CEPT1: variants seen among roughly 807,000 people sequenced by gnomAD.
CEPT1 encodes choline/ethanolaminephosphotransferase 1.
A neutral mutation model predicts 42.6 loss-of-function variants in CEPT1; 7 were observed. The observed-to-expected ratio is 0.16, with a 90% confidence interval of 0.09 to 0.31. The LOEUF (loss-of-function observed/expected upper bound fraction) is 0.31. Among genes scored for constraint, CEPT1 ranks in the 10% least tolerant of loss-of-function variants. CEPT1 has a pLI of 1.00. For synonymous variants in CEPT1, 171 were observed against 171.9 expected (o/e 0.99, Z 0.04); for missense variants, 306 against 502.1 (o/e 0.61, Z 3.73).
intron 3 of CEPT1, chr1:111,160,166 T>TA (rs1655793620): frequency 6.6e-6 from 1 of 152,318 alleles, no homozygotes; most frequent in African/African-American, 2.4e-5. Flanking sequence ...ATAACTGAGT[T>TA]ACTCTGTTTG....
At chr1:111,179,240 A>T (rs1656850290) in intron 5 of CEPT1, 1 of 152,184 alleles carries the variant, frequency 6.6e-6, no homozygotes, top group Non-Finnish European at 1.5e-5. Flanking sequence ...TAACCTTTTT[A>T]AAAGTGAATT....
chr1:111,147,922 G>A lies in CEPT1; in HGVS notation c.208G>A (p.Gly70Arg). 6.2e-7 allele frequency: 1 copy of A among 1,614,184 alleles called. No individual in the cohort carries two copies. Among genetic ancestry groups the A allele is most frequent in the South Asian group, 1.1e-5 (1 of 91,082 alleles). Residue 70 changes from glycine (G) to arginine (R), a missense_variant, in exon 2 of 9, where the codon GGG becomes AGG. Gly to Arg is a moderately radical substitution (Grantham distance 125). Coordinates refer to ENST00000357172, the MANE Select transcript of CEPT1 (RefSeq NM_006090.5). ...GTCCCTGCTTGAGCCCTTAATGCAAGGGTATTGGGAATGGCTCGTTAGAAG... is the reference window on the plus strand; with the variant it reads ...GTCCCTGCTTGAGCCCTTAATGCAAAGGTATTGGGAATGGCTCGTTAGAAG... ...GRSLLEPLMQGYWEWLVRRVP... is the reference protein window; with the variant it reads ...GRSLLEPLMQRYWEWLVRRVP...
chr1:111,145,019 A>AT lies in CEPT1; in HGVS notation c.-73-2609dup, dbSNP rs542392286. The stretch of plus-strand genomic sequence containing the variant: ...TTTCTCTCCTTGATTTGAAATATTA[A>AT]TTTTTTTTTTTTTTAAGACAGAGTC... On this transcript the variant is annotated intron_variant, in intron 1 of 8. Coordinates refer to ENST00000357172, the MANE Select transcript of CEPT1 (RefSeq NM_006090.5). Among the ~76,000 whole-genome samples the AT allele has an allele frequency of 6.1e-3, 888 of 146,698 alleles. 3 individuals carry two copies. The highest frequency in any genetic ancestry group is 0.016 in the East Asian group (82 of 5,074).
At chr1:111,161,125 T>C in intron 3 of CEPT1, 30 bp from the exon 4 acceptor site, 1 of 1,613,302 alleles carries the variant, frequency 6.2e-7, no homozygotes, top group South Asian at 1.1e-5. Flanking sequence ...TTCATATTAT[T>C]TGGTTTTCAT....
In CEPT1 at chr1:111,182,170, C is replaced by G; in HGVS notation, c.715-17C>G. The stretch of plus-strand genomic sequence containing the variant: ...TTTGTATATGTTTTAATTGTTTTCT[C>G]TCTCTACCCATTAAAGATTCCAGTG... On this transcript the variant is annotated splice_polypyrimidine_tract_variant and intron_variant, in intron 5 of 8. Transcript: ENST00000357172. 1 of 1,569,498 alleles carries G rather than the reference C, an allele frequency of 6.4e-7. No individual in the cohort carries two copies. The highest frequency in any genetic ancestry group is 8.7e-7 in the Non-Finnish European group (1 of 1,152,566).
At chr1:111,160,729 C>T (rs1655822673) in intron 3 of CEPT1, 1 of 163,636 alleles carries the variant, frequency 6.1e-6, no homozygotes, top group East Asian at 1.9e-4. Context: ...GTATGTCACC[C>T]ATAACAATAT....
rs552473334 is a variant in CEPT1 at position 111,145,259 on chromosome 1, G to A, written c.-73-2383G>A. On this transcript the variant is annotated intron_variant, in intron 1 of 8. Coordinates refer to ENST00000357172, the MANE Select transcript of CEPT1 (RefSeq NM_006090.5). ...TCGAACTCCTGACCTCAGGTGATCC[G>A]CCCGCCTCAGCCTCCCAAAGTGGCG... is the stretch of plus-strand genomic sequence containing the variant. Among the ~76,000 whole-genome samples, 21 of 152,180 alleles carry A rather than the reference G, an allele frequency of 1.4e-4. No homozygotes were observed. In the East Asian group the frequency reaches 2.9e-3, roughly 21 times the overall value.
chr1:111,151,980 C>A (rs943046626), intron 2 of CEPT1, among the ~76,000 whole-genome samples: 13 of 152,136 alleles, frequency 8.5e-5, no homozygotes, highest in African/African-American at 3.1e-4. Flanking sequence ...ACTCCCCAGA[C>A]CCCTTAGATA....
chr1:111,141,839 G>C (rs183515228), intron 1 of CEPT1, among the ~76,000 whole-genome samples: 1 of 150,846 alleles, frequency 6.6e-6, no homozygotes, highest in African/African-American at 2.4e-5. Flanking sequence ...TTCTTTCCTT[G>C]TTCTTTATAA....
intron 1 of CEPT1, among the ~76,000 whole-genome samples, chr1:111,147,035 G>A (rs1655007511): frequency 6.6e-6 from 1 of 152,188 alleles, no homozygotes; most frequent in Non-Finnish European, 1.5e-5. Flanking sequence ...CTTACCAGCT[G>A]TGTGATTTGG....
At chr1:111,165,449 A>G (rs1447234260) in intron 4 of CEPT1, among the ~76,000 whole-genome samples, 3 of 152,164 alleles carry the variant, frequency 2.0e-5, no homozygotes, top group East Asian at 1.9e-4. Context: ...TTTCCAAGAC[A>G]AAAAATAATA....
intron 4 of CEPT1, among the ~76,000 whole-genome samples, chr1:111,169,411 C>T (rs1337629576): frequency 6.6e-6 from 1 of 152,042 alleles, no homozygotes; most frequent in Non-Finnish European, 1.5e-5. Context: ...TTGACTGTAT[C>T]TACTTTCACC....
intron 2 of CEPT1, among the ~76,000 whole-genome samples, chr1:111,159,075 G>A (rs1188480214): frequency 2.7e-5 from 4 of 150,496 alleles, no homozygotes; most frequent in African/African-American, 7.4e-5. Flanking sequence ...CACTACGCCC[G>A]GCTAATTTTT....
At chr1:111,142,691 A>G (rs979452303) in intron 1 of CEPT1, among the ~76,000 whole-genome samples, 4 of 152,208 alleles carry the variant, frequency 2.6e-5, no homozygotes, top group Non-Finnish European at 4.4e-5. Flanking sequence ...TTGATTATCT[A>G]CTTAGTGCTA....
intron 4 of CEPT1, among the ~76,000 whole-genome samples, chr1:111,169,924 A>T (rs988480216): frequency 4.6e-5 from 7 of 152,148 alleles, no homozygotes; most frequent in Non-Finnish European, 8.8e-5. Context: ...AAGTCACTTG[A>T]CCTTTCTAAA....
intron 2 of CEPT1, among the ~76,000 whole-genome samples, chr1:111,150,170 G>A (rs1301372629): frequency 6.6e-6 from 1 of 152,174 alleles, no homozygotes; most frequent in Non-Finnish European, 1.5e-5. Flanking sequence ...TAGGCTCAAA[G>A]CAGAATGCAT....
chr1:111,169,658 A>G (rs1277341260), intron 4 of CEPT1, among the ~76,000 whole-genome samples: 1 of 152,174 alleles, frequency 6.6e-6, no homozygotes, highest in African/African-American at 2.4e-5. Flanking sequence ...TATTGCTTAA[A>G]CTGATTTGAT....
At chr1:111,140,213 T>G (rs1654334862), upstream of CEPT1, 1 of 152,298 alleles carries the variant, frequency 6.6e-6, no homozygotes, top group Middle Eastern at 3.4e-3. Context: ...TTTACGGCAA[T>G]CGCGAAAGTG....
intron 4 of CEPT1, among the ~76,000 whole-genome samples, chr1:111,168,230 T>C (rs1656235129): frequency 1.3e-5 from 2 of 152,078 alleles, no homozygotes; most frequent in Admixed American, 6.5e-5. Context: ...TGTTAGGAAA[T>C]GTTTTCCCAG....
Sources: allele counts gnomAD v4.1 joint callset (sites outside exome capture counted in the v4.1 genomes callset), GRCh38; gene constraint gnomAD v4.1.1; transcripts MANE v1.5; gene names NCBI Gene and HGNC (gene_info 2026-07-23, HGNC 2026-07-21).